The following LRP1B variants were observed in gnomAD, a reference collection of about 807,000 sequenced individuals.
The protein encoded by LRP1B is LDL receptor related protein 1B, also known as low-density lipoprotein receptor-related protein 1B.
In LRP1B, 217 loss-of-function variants were observed where a neutral mutation model predicts 556.6. That is an observed-to-expected ratio of 0.39 (90% CI 0.35 to 0.44). The LOEUF is 0.44. Ranked by LOEUF, LRP1B falls within the 20% of genes least tolerant of loss-of-function variation. The pLI is 1.00. For missense variants in LRP1B, 5,053 were observed against 5,620.8 expected (o/e 0.90, Z 3.23); for synonymous variants, 2,047 against 1,865.8 (o/e 1.10, Z -2.50).
At chr2:140,739,907 C>A (rs574326767) in intron 35 of LRP1B, among the ~76,000 whole-genome samples, 2 of 152,078 alleles carry the variant, frequency 1.3e-5, no homozygotes, top group Non-Finnish European at 2.9e-5. Flanking sequence ...AAATGACCAA[C>A]AAACATATGA....
At chr2:141,222,958 T>C (rs1683104128) in intron 6 of LRP1B, among the ~76,000 whole-genome samples, 1 of 151,982 alleles carries the variant, frequency 6.6e-6, no homozygotes, top group Admixed American at 6.6e-5. Flanking sequence ...CTGGAAGCAT[T>C]CCCCTTGAAA....
chr2:141,870,399 C>T (rs1479009444), intron 1 of LRP1B, among the ~76,000 whole-genome samples: 1 of 151,780 alleles, frequency 6.6e-6, no homozygotes, highest in African/African-American at 2.4e-5. Context: ...TCAATAAGTT[C>T]AATGGTTAAG....
intron 2 of LRP1B, among the ~76,000 whole-genome samples, chr2:141,708,217 T>C (rs1692221618): frequency 6.6e-6 from 1 of 151,994 alleles, no homozygotes; most frequent in African/African-American, 2.4e-5. Context: ...CAGGACTTAA[T>C]ATAAAATAAA....
chr2:141,822,122 C>CAGAGAGAGAGAGAGAG (rs1427035383), intron 1 of LRP1B, among the ~76,000 whole-genome samples: 15 of 106,340 alleles, frequency 1.4e-4, no homozygotes, highest in Admixed American at 2.1e-4. Context: ...CACACACACA[C>CAGAGAGAGAGAGAGAG]ACACACACAG....
rs550744699 is a variant in LRP1B at position 141,794,532 on chromosome 2, G to T, written c.205+15747C>A. Among the ~76,000 whole-genome samples, 6 of 151,816 alleles carry T rather than the reference G, an allele frequency of 4.0e-5. 1 individual carries two copies. In the South Asian group the frequency reaches 1.2e-3, roughly 31 times the overall value. Reference sequence around the variant, plus strand: ...CTACAAATGAGCATAAATAATAAAAGAAAAATAACTGATATACTATTTCTT... The same window carrying T: ...CTACAAATGAGCATAAATAATAAAATAAAAATAACTGATATACTATTTCTT... On this transcript the variant is annotated intron_variant, in intron 2 of 90. Transcript: ENST00000389484.
chr2:141,584,629 T>C (rs1355213647), intron 2 of LRP1B, among the ~76,000 whole-genome samples: 1 of 152,142 alleles, frequency 6.6e-6, no homozygotes, highest in African/African-American at 2.4e-5. Flanking sequence ...TACACACACA[T>C]GCATGCACAC....
At chr2:140,616,615 T>A (rs1339120361) in intron 41 of LRP1B, among the ~76,000 whole-genome samples, 4 of 151,676 alleles carry the variant, frequency 2.6e-5, no homozygotes, top group African/African-American at 7.3e-5. Flanking sequence ...CCTTAAAGAA[T>A]AATTTAATGT....
At chr2:140,270,155 C>A (rs1214387711) in intron 86 of LRP1B, 87 bp downstream of exon 86, 2 of 913,464 alleles carry the variant, frequency 2.2e-6, no homozygotes, top group East Asian at 5.0e-5. Context: ...TTTAAAATTA[C>A]CCCAGAAAAG....
chr2:140,460,170 A>G (rs1195514562), intron 60 of LRP1B, among the ~76,000 whole-genome samples: 1 of 152,150 alleles, frequency 6.6e-6, no homozygotes, highest in Non-Finnish European at 1.5e-5. Flanking sequence ...AAGTACTGGT[A>G]TTTGAATCTT....
At chr2:141,147,085 C>G (rs959081895) in intron 7 of LRP1B, among the ~76,000 whole-genome samples, 11 of 152,176 alleles carry the variant, frequency 7.2e-5, no homozygotes, top group African/African-American at 9.6e-5. Context: ...TTCTCCCCTC[C>G]TTTTCTGCTC....
intron 66 of LRP1B, among the ~76,000 whole-genome samples, chr2:140,389,940 C>A (rs534414413): frequency 6.6e-6 from 1 of 151,874 alleles, no homozygotes; most frequent in Admixed American, 6.6e-5. Flanking sequence ...ACCAGCCTGG[C>A]CAACTGATTG....
In LRP1B at chr2:141,338,697, G is replaced by A. The variant is rs144935516; in HGVS notation, c.344-84056C>T. Among the ~76,000 whole-genome samples, 10 of 152,230 alleles carry A rather than the reference G, an allele frequency of 6.6e-5. 1 individual carries two copies. In the East Asian group the frequency reaches 1.9e-3, roughly 29 times the overall value. On this transcript the variant is annotated intron_variant, in intron 3 of 90. Coordinates refer to ENST00000389484, the MANE Select transcript of LRP1B (RefSeq NM_018557.3). The stretch of plus-strand genomic sequence containing the variant: ...ATCTTCCTCATTTCTTATCTAGACT[G>A]TTTCCAAAGCCTTCTAAATTATCTG...
intron 25 of LRP1B, among the ~76,000 whole-genome samples, chr2:140,872,524 T>G (rs1307824233): frequency 1.3e-5 from 2 of 151,932 alleles, no homozygotes; most frequent in African/African-American, 4.8e-5. Context: ...CTTTTAATAA[T>G]TTTCCCCTTT....
At chr2:140,695,106 A>T (rs1273738128) in intron 41 of LRP1B, among the ~76,000 whole-genome samples, 1 of 151,520 alleles carries the variant, frequency 6.6e-6, no homozygotes, top group Non-Finnish European at 1.5e-5. Flanking sequence ...GTCTTTCTTA[A>T]GAATCCATGT....
chr2:140,516,962 T>A lies in LRP1B; in HGVS notation c.8076A>T (p.Gly2692=). The change falls in exon 50 of 91, where the codon GGA becomes GGT. Residue 2692 remains glycine (G), a synonymous_variant. Transcript: ENST00000389484. Reference sequence around the variant, plus strand: ...ATATCCAGGTATTCAAAATGCATCTTCCACTAGGACAACTAAAATAATTTT... The same window carrying A: ...ATATCCAGGTATTCAAAATGCATCTACCACTAGGACAACTAAAATAATTTT... ...CEENYFSCPS[G]RCILNTWICD... is the part of the protein sequence containing the mutation. The A allele has an allele frequency of 6.2e-7, 1 of 1,604,338 alleles. No individual in the cohort carries two copies. Among genetic ancestry groups the A allele is most frequent in the South Asian group, 1.1e-5 (1 of 90,902 alleles).
At chr2:142,086,498 T>C (rs910260987) in intron 1 of LRP1B, among the ~76,000 whole-genome samples, 18 of 151,800 alleles carry the variant, frequency 1.2e-4, no homozygotes, top group Admixed American at 1.1e-3. Context: ...CCAGCTACTG[T>C]GGAGGCTGAG....
intron 3 of LRP1B, among the ~76,000 whole-genome samples, chr2:141,344,747 TATAG>T (rs1688186117): frequency 1.3e-5 from 2 of 152,214 alleles, no homozygotes; most frequent in East Asian, 1.9e-4. Context: ...TGACACATTA[TATAG>T]ATATTTATGA....
At chr2:141,187,867 C>A (rs1681326297) in intron 7 of LRP1B, among the ~76,000 whole-genome samples, 1 of 151,774 alleles carries the variant, frequency 6.6e-6, no homozygotes, top group African/African-American at 2.4e-5. Flanking sequence ...AAGATGAATT[C>A]TGATGAGGAA....
intron 31 of LRP1B, among the ~76,000 whole-genome samples, chr2:140,817,390 TC>T (rs532932143): frequency 2.4e-3 from 367 of 152,088 alleles, no homozygotes; most frequent in African/African-American, 8.2e-3. Context: ...TTTTTACTTA[TC>T]TTTTCTATTT....
Sources: gnomAD v4.1 joint callset for allele counts (sites outside exome capture counted in the v4.1 genomes callset) on GRCh38, gnomAD v4.1.1 for gene constraint, MANE v1.5 for transcripts, NCBI Gene and HGNC (gene_info 2026-07-23, HGNC 2026-07-21) for gene names.